HTT: variants seen among roughly 807,000 people sequenced by gnomAD.
HTT encodes huntingtin, also known as huntington disease protein.
A neutral mutation model predicts 362.3 loss-of-function variants in HTT; 104 were observed. The observed-to-expected ratio is 0.29, with a 90% CI of 0.24 to 0.34. The LOEUF is 0.34. Ranked by LOEUF, HTT falls within the 10% of genes least tolerant of loss-of-function variation. HTT has a pLI of 1.00. For synonymous variants in HTT, 1,577 were observed against 1,548.7 expected (o/e 1.02, Z -0.43); for missense variants, 3,301 against 3,928.6 (o/e 0.84, Z 4.27).
At chr4:3,216,456 A>G (rs904302099) in intron 51 of HTT, among the ~76,000 whole-genome samples, 7 of 152,248 alleles carry the variant, frequency 4.6e-5, no homozygotes, top group African/African-American at 1.7e-4. Flanking sequence ...ATTGAAATCA[A>G]TCAGTTAATC....
chr4:3,076,563 A>C (rs1712564041), intron 1 of HTT, among the ~76,000 whole-genome samples: 1 of 152,224 alleles, frequency 6.6e-6, no homozygotes, highest in Admixed American at 6.5e-5. Context: ...AATTTGGCTT[A>C]TCTCTTCAGT....
chr4:3,184,469 C>T (rs1216336376), intron 37 of HTT, among the ~76,000 whole-genome samples: 1 of 151,958 alleles, frequency 6.6e-6, no homozygotes, highest in Non-Finnish European at 1.5e-5. Flanking sequence ...GAGGGCAGAG[C>T]AGGGCCACCC....
At chr4:3,076,222 G>C (rs1166293453) in intron 1 of HTT, among the ~76,000 whole-genome samples, 2 of 152,152 alleles carry the variant, frequency 1.3e-5, no homozygotes, top group Non-Finnish European at 2.9e-5. Flanking sequence ...CGGAACCCCA[G>C]GACTTTCCCT....
At chr4:3,105,915 C>T (rs1714399917) in intron 5 of HTT, among the ~76,000 whole-genome samples, 2 of 152,168 alleles carry the variant, frequency 1.3e-5, no homozygotes, top group Admixed American at 1.3e-4. Context: ...TGTATCTTAA[C>T]GGATTGAGAA....
intron 2 of HTT, 40 bp downstream of exon 2, chr4:3,087,062 T>C: frequency 8.8e-7 from 1 of 1,140,182 alleles, no homozygotes; most frequent in South Asian, 1.4e-5. Context: ...ATAAGAACTT[T>C]GTATATTTTC....
In HTT at chr4:3,136,917, AT is replaced by A. The variant is rs544832537; in HGVS notation, c.2798+602del. Among the ~76,000 whole-genome samples the A allele has an allele frequency of 9.6e-4, 142 of 147,380 alleles. 1 individual carries two copies. The highest frequency in any genetic ancestry group is 3.1e-3 in the African/African-American group (127 of 40,346). On this transcript the variant is annotated intron_variant, in intron 21 of 66. Transcript: ENST00000355072. ...GTTGAGTTACCAGGCCCGGCTTTGA[AT>A]TTTTTTTTTTATTTTTTTTTTGAGA...
At position 3,099,439 on chromosome 4, in the gene HTT, G is replaced by T. The variant is rs748604098; in HGVS notation, c.468+45G>T. 3 of 1,608,312 alleles carry T rather than the reference G, an allele frequency of 1.9e-6. No individual in the cohort carries two copies. In the East Asian group the frequency reaches 6.7e-5, roughly 36 times the overall value. ...TGTTCTCCTCAGAGCTATCATTGTTGTAGGCTGAGAGAAGAAGCGATCATT... is the reference window on the plus strand; with the variant it reads ...TGTTCTCCTCAGAGCTATCATTGTTTTAGGCTGAGAGAAGAAGCGATCATT... On this transcript the variant is annotated intron_variant, in intron 3 of 66. Coordinates refer to ENST00000355072, the MANE Select transcript of HTT (RefSeq NM_001388492.1).
intron 40 of HTT, among the ~76,000 whole-genome samples, chr4:3,196,735 T>C (rs1483626500): frequency 6.7e-6 from 1 of 150,236 alleles, no homozygotes; most frequent in Non-Finnish European, 1.5e-5. Context: ...TGAGACCCTG[T>C]CTGAAAAAAA....
rs1719117658 is a variant in HTT, at chr4:3,193,626, G to A, written c.5368+4533G>A. On this transcript the variant is annotated intron_variant, in intron 40 of 66. Coordinates refer to ENST00000355072, the MANE Select transcript of HTT (RefSeq NM_001388492.1). ...AAAATATTGTTACTGTTGAAGTGTT[G>A]TCCAATAGGACTTCCAGCAGAGACA... is the stretch of plus-strand genomic sequence containing the variant. Among the ~76,000 whole-genome samples, 3 of 152,216 alleles carry A rather than the reference G, an allele frequency of 2.0e-5. No individual in the cohort carries two copies. The South Asian group carries it at 6.2e-4, about 31-fold the overall frequency.
At chr4:3,197,221 G>C (rs1719294617) in intron 40 of HTT, among the ~76,000 whole-genome samples, 1 of 152,018 alleles carries the variant, frequency 6.6e-6, no homozygotes, top group African/African-American at 2.4e-5. Context: ...GGCCTTGGTA[G>C]GTCCATCCCC....
rs774063279 is a variant in HTT at position 3,223,417 on chromosome 4, G to A, written c.7482G>A (p.Glu2494=). 2 of 1,593,622 alleles carry A rather than the reference G, an allele frequency of 1.3e-6. No individual in the cohort carries two copies. Among genetic ancestry groups the A allele is most frequent in the East Asian group, 2.3e-5 (1 of 44,078 alleles). ...QEESPPEEDT[E]RTQINVLAVQ... ...GGCTCTCCTTCCAGGAAGACACAGA[G>A]AGGACCCAGATCAACGTCCTGGCCG... Residue 2494 remains glutamate, a synonymous_variant, in exon 55 of 67, where the codon GAG becomes GAA. Transcript: ENST00000355072.
chr4:3,191,182 T>TC (rs397992133), intron 40 of HTT, among the ~76,000 whole-genome samples: 7 of 146,400 alleles, frequency 4.8e-5, no homozygotes, highest in Admixed American at 2.1e-4. Flanking sequence ...TTTCTTTCTT[T>TC]TTTTTTTTGA....
chr4:3,225,982 C>T (rs939432263), intron 57 of HTT, among the ~76,000 whole-genome samples: 1 of 151,976 alleles, frequency 6.6e-6, no homozygotes, highest in Non-Finnish European at 1.5e-5. Context: ...GTTAAGAGAC[C>T]TCACATGTAG....
intron 6 of HTT, chr4:3,112,929 C>G: frequency 4.3e-6 from 2 of 466,842 alleles, no homozygotes; most frequent in Non-Finnish European, 5.6e-6. Flanking sequence ...TGCTTTTACT[C>G]TTAGCCTTCC....
Position 3,209,953 on chromosome 4 carries a change from C to A in HTT, c.6414+4C>A. ...GAATGCCTTCATGATGAACTCGGTA[C>A]GGGGGGAGCAGTGGAGGCAAGGAAT... On this transcript the variant is annotated splice_donor_region_variant and intron_variant, in intron 47 of 66. Coordinates refer to ENST00000355072, the MANE Select transcript of HTT (RefSeq NM_001388492.1). 1 of 1,613,144 alleles carries A rather than the reference C, an allele frequency of 6.2e-7. No individual in the cohort carries two copies. The highest frequency in any genetic ancestry group is 8.5e-7 in the Non-Finnish European group (1 of 1,179,436).
intron 45 of HTT, among the ~76,000 whole-genome samples, chr4:3,208,441 A>G (rs538766956): frequency 2.0e-5 from 3 of 152,234 alleles, no homozygotes; most frequent in Non-Finnish European, 4.4e-5. Flanking sequence ...TTTTACATTT[A>G]TTAAGAAAGC....
intron 6 of HTT, among the ~76,000 whole-genome samples, chr4:3,115,073 TGAGC>T (rs1363390920): frequency 1.3e-5 from 2 of 152,188 alleles, no homozygotes; most frequent in Admixed American, 6.6e-5. Context: ...ACATGGATGC[TGAGC>T]AGTCCCCTGA....
intron 22 of HTT, among the ~76,000 whole-genome samples, chr4:3,141,557 G>T (rs984311951): frequency 1.3e-5 from 2 of 152,184 alleles, no homozygotes; most frequent in African/African-American, 2.4e-5. Context: ...GAGCTCAGGG[G>T]TTCAAGACCA....
rs898221620 is a variant in HTT at position 3,166,083 on chromosome 4, G to A, written c.3864+5691G>A. On this transcript the variant is annotated intron_variant, in intron 29 of 66. Coordinates refer to ENST00000355072, the MANE Select transcript of HTT (RefSeq NM_001388492.1). ...TTGGTCTTTGATGTTGGTGACCTAC[G>A]GATGGGGTTTTGGTGTGGGTGTCCT... 1.5e-4 allele frequency among the ~76,000 whole-genome samples: 23 copies of A among 152,228 alleles called. 1 individual carries two copies. In the East Asian group the frequency reaches 1.7e-3, roughly 12 times the overall value.
Sources: allele counts gnomAD v4.1 joint callset (sites outside exome capture counted in the v4.1 genomes callset), GRCh38; gene constraint gnomAD v4.1.1; transcripts MANE v1.5; gene names NCBI Gene and HGNC (gene_info 2026-07-23, HGNC 2026-07-21).